Variants in CLSTN2 observed in about 807,000 individuals in gnomAD.
The protein encoded by CLSTN2 is calsyntenin-2.
CLSTN2 carries 48 observed loss-of-function variants against 101.2 expected under a neutral mutation model. The observed-to-expected ratio is 0.47, with a 90% CI of 0.38 to 0.60. The LOEUF is 0.60. Ranked by LOEUF, CLSTN2 falls within the 20% of genes least tolerant of loss-of-function variation. The pLI is 0.00. For missense variants in CLSTN2, 1,160 were observed against 1,238.2 expected (o/e 0.94, Z 0.95); for synonymous variants, 481 against 463.6 (o/e 1.04, Z -0.48).
intron 1 of CLSTN2, among the ~76,000 whole-genome samples, chr3:140,126,617 G>A (rs1266239368): frequency 6.6e-6 from 1 of 152,094 alleles, no homozygotes; most frequent in African/African-American, 2.4e-5. Context: ...AGGGATACTG[G>A]GTGGCATAAA....
At chr3:140,367,822 T>C (rs1391105114) in intron 2 of CLSTN2, among the ~76,000 whole-genome samples, 1 of 152,210 alleles carries the variant, frequency 6.6e-6, no homozygotes, top group African/African-American at 2.4e-5. Context: ...ATAATGGTAG[T>C]AGTTACCACA....
chr3:140,442,735 A>G (rs1932970426), intron 5 of CLSTN2, among the ~76,000 whole-genome samples: 1 of 152,144 alleles, frequency 6.6e-6, no homozygotes, highest in Non-Finnish European at 1.5e-5. Context: ...CAGTCTGGAT[A>G]GTTCACACCC....
intron 8 of CLSTN2, among the ~76,000 whole-genome samples, chr3:140,510,167 A>G (rs1456659710): frequency 6.6e-6 from 1 of 152,226 alleles, no homozygotes; most frequent in Non-Finnish European, 1.5e-5. Flanking sequence ...TTAGTACTCA[A>G]AGTACAGTCT....
chr3:139,976,983 C>G lies in CLSTN2; in HGVS notation c.109+41500C>G, dbSNP rs573180444. 2.0e-5 allele frequency among the ~76,000 whole-genome samples: 3 copies of G among 152,320 alleles called. No homozygotes were observed. The East Asian group carries it at 5.8e-4, about 29-fold the overall frequency. On this transcript the variant is annotated intron_variant, in intron 1 of 16. Coordinates refer to ENST00000458420, the MANE Select transcript of CLSTN2 (RefSeq NM_022131.3). ...GCTCCATCTGCCTCCTCTTCCTGCT[C>G]CAGCCAGTTGCCACCTGGACCTGGG...
intron 5 of CLSTN2, among the ~76,000 whole-genome samples, chr3:140,429,133 G>A (rs347330): frequency 0.31 from 47,770 of 151,968 alleles, 8,927 homozygotes; most frequent in East Asian, 0.72. Flanking sequence ...GGCTAGATTC[G>A]TTGCTTTTAG....
intron 1 of CLSTN2, among the ~76,000 whole-genome samples, chr3:140,063,582 G>C (rs960610563): frequency 6.6e-6 from 1 of 152,216 alleles, no homozygotes; most frequent in African/African-American, 2.4e-5. Flanking sequence ...TGTGGACAGA[G>C]TGTGGAAAAT....
chr3:140,187,065 T>C lies in CLSTN2; in HGVS notation c.232+10992T>C, dbSNP rs551373849. The stretch of plus-strand genomic sequence containing the variant: ...AAATCCACTGCATGGCCCTTGGCCC[T>C]TTCCTTTTTTTGTGCCTTTCCCTTG... On this transcript the variant is annotated intron_variant, in intron 2 of 16. Coordinates refer to ENST00000458420, the MANE Select transcript of CLSTN2 (RefSeq NM_022131.3). Among the ~76,000 whole-genome samples, 15 of 152,334 alleles carry C rather than the reference T, an allele frequency of 9.8e-5. No homozygotes were observed. The East Asian group carries it at 2.5e-3, about 25-fold the overall frequency.
chr3:140,170,498 C>T (rs1026079660), intron 1 of CLSTN2, among the ~76,000 whole-genome samples: 4 of 152,172 alleles, frequency 2.6e-5, no homozygotes, highest in African/African-American at 9.7e-5. Context: ...CTCAGTTACT[C>T]ACCTGCAAAA....
At chr3:140,337,208 T>A (rs1229985312) in intron 2 of CLSTN2, among the ~76,000 whole-genome samples, 2 of 152,246 alleles carry the variant, frequency 1.3e-5, no homozygotes, top group Admixed American at 1.3e-4. Context: ...ACAAACTGGT[T>A]AGCTTCCACT....
chr3:140,137,890 G>C (rs534373717), intron 1 of CLSTN2, among the ~76,000 whole-genome samples: 48 of 152,308 alleles, frequency 3.2e-4, no homozygotes, highest in African/African-American at 9.9e-4. Context: ...TTTAAACCCA[G>C]GTCCATGTGA....
intron 10 of CLSTN2, among the ~76,000 whole-genome samples, chr3:140,556,205 C>T (rs940319541): frequency 2.0e-5 from 3 of 152,238 alleles, no homozygotes; most frequent in South Asian, 2.1e-4. Flanking sequence ...GACCACTGTT[C>T]GCCAAGGGCT....
chr3:140,006,929 T>G (rs542733062), intron 1 of CLSTN2, among the ~76,000 whole-genome samples: 1 of 152,264 alleles, frequency 6.6e-6, no homozygotes, highest in Admixed American at 6.5e-5. Context: ...GAATAAATAT[T>G]TAATGCAATA....
At chr3:140,357,177 G>C (rs948388104) in intron 2 of CLSTN2, among the ~76,000 whole-genome samples, 2 of 152,198 alleles carry the variant, frequency 1.3e-5, no homozygotes, top group African/African-American at 2.4e-5. Flanking sequence ...CTAGTGAAGG[G>C]TCGGGAATAT....
chr3:140,383,977 A>C (rs1185478216), intron 2 of CLSTN2, among the ~76,000 whole-genome samples: 1 of 152,236 alleles, frequency 6.6e-6, no homozygotes, highest in Non-Finnish European at 1.5e-5. Context: ...GCTCTGCTGG[A>C]AACGGGTTAC....
rs1324493834 is a variant in CLSTN2 at position 139,935,607 on chromosome 3, C to A, written c.109+124C>A. 6.7e-6 allele frequency: 3 copies of A among 444,756 alleles called. No individual in the cohort carries two copies. Among genetic ancestry groups the A allele is most frequent in the Non-Finnish European group, 1.1e-5 (3 of 271,142 alleles). The allele number at this position is 444,756 out of a possible 1,614,324, so 27.6% of individuals were successfully genotyped here. A position where few individuals can be genotyped will look rare whatever the true frequency, so the allele number is the denominator to read the frequency against. On this transcript the variant is annotated intron_variant, in intron 1 of 16. Transcript: ENST00000458420. This position sits in a 1 kb window ranked among gnomAD's most constrained non-coding sequence, Gnocchi z 5.5. ...CCTCCCTTGCCGCAGCTTCTTTGGCCTCTGTGCGCCCTGGATTCCCGAAGT... is the reference window on the plus strand; with the variant it reads ...CCTCCCTTGCCGCAGCTTCTTTGGCATCTGTGCGCCCTGGATTCCCGAAGT...
intron 2 of CLSTN2, among the ~76,000 whole-genome samples, chr3:140,390,760 A>G (rs1187152742): frequency 6.6e-6 from 1 of 152,132 alleles, no homozygotes; most frequent in Non-Finnish European, 1.5e-5. Flanking sequence ...TATTTAATGT[A>G]CTCATTTGAG....
At chr3:140,082,925 T>C (rs906476733) in intron 1 of CLSTN2, among the ~76,000 whole-genome samples, 2 of 152,330 alleles carry the variant, frequency 1.3e-5, no homozygotes, top group Admixed American at 6.5e-5. Flanking sequence ...GTGGAAAATG[T>C]GTATACCTTC....
intron 1 of CLSTN2, among the ~76,000 whole-genome samples, chr3:140,010,227 C>T (rs1282029082): frequency 6.6e-6 from 1 of 152,104 alleles, no homozygotes; most frequent in South Asian, 2.1e-4. Context: ...TCATTTCTAT[C>T]TTTTGGGAGA....
intron 2 of CLSTN2, among the ~76,000 whole-genome samples, chr3:140,336,938 C>T (rs540013440): frequency 1.3e-5 from 2 of 152,226 alleles, no homozygotes; most frequent in South Asian, 2.1e-4. Flanking sequence ...ACCTTCCCCA[C>T]ACCACCAATA....
Sources: gnomAD v4.1 joint callset for allele counts (sites outside exome capture counted in the v4.1 genomes callset) on GRCh38, gnomAD v4.1.1 for gene constraint, Gnocchi (gnomAD v3.1) non-coding constraint, MANE v1.5 for transcripts, NCBI Gene and HGNC (gene_info 2026-07-23, HGNC 2026-07-21) for gene names.